Variants in PRKN observed in about 807,000 individuals in gnomAD.
The protein encoded by PRKN is E3 ubiquitin-protein ligase parkin.
A neutral mutation model predicts 59.5 loss-of-function variants in PRKN; 56 were observed. The ratio of observed to expected loss-of-function variants is 0.94; its 90% CI spans 0.76 to 1.18. PRKN has a LOEUF of 1.18. Ranked by LOEUF, PRKN falls within the 50% of genes most tolerant of loss-of-function variation. The probability of loss-of-function intolerance (pLI) is 0.00; values close to 1 mark genes in which losing one functional copy is unlikely to be tolerated. For missense variants in PRKN, 657 were observed against 596.4 expected (o/e 1.10, Z -1.06); for synonymous variants, 250 against 222.1 (o/e 1.13, Z -1.12).
chr6:161,757,857 C>A (rs1160072188), intron 7 of PRKN, among the ~76,000 whole-genome samples: 1 of 97,052 alleles, frequency 1.0e-5, no homozygotes, highest in Non-Finnish European at 2.0e-5. Flanking sequence ...CTCTCTCTCT[C>A]TCTCTCTCTC....
intron 7 of PRKN, among the ~76,000 whole-genome samples, chr6:161,570,927 T>G (rs77630686): frequency 0.035 from 5,371 of 152,208 alleles, 291 homozygotes; most frequent in African/African-American, 0.12. Flanking sequence ...TCCTCGATAT[T>G]AGGTTGTAGT....
At chr6:161,375,318 G>A (rs542596459) in intron 10 of PRKN, among the ~76,000 whole-genome samples, 8 of 152,292 alleles carry the variant, frequency 5.3e-5, no homozygotes, top group Non-Finnish European at 8.8e-5. Context: ...TGCAGTGCAG[G>A]AGAGCGCTTG....
rs766621912 is a variant in PRKN, at chr6:161,568,461, C to T, written c.933+894G>A. Among the ~76,000 whole-genome samples, 8 of 152,230 alleles carry T rather than the reference C, an allele frequency of 5.3e-5. No individual in the cohort carries two copies. The South Asian group carries it at 6.2e-4, about 12-fold the overall frequency. On this transcript the variant is annotated intron_variant, in intron 8 of 11. Coordinates refer to ENST00000366898, the MANE Select transcript of PRKN (RefSeq NM_004562.3). Reference sequence around the variant, plus strand: ...ATAAAAAATTAGCTGGGTGTGGTGGCGGGCGCCTGTAGTCCCAGCTGCTCA... The same window carrying T: ...ATAAAAAATTAGCTGGGTGTGGTGGTGGGCGCCTGTAGTCCCAGCTGCTCA...
At chr6:161,583,883 T>C (rs1781433597) in intron 7 of PRKN, among the ~76,000 whole-genome samples, 1 of 152,214 alleles carries the variant, frequency 6.6e-6, no homozygotes, top group Non-Finnish European at 1.5e-5. Context: ...CACCTAGACA[T>C]GCATATTTGC....
intron 6 of PRKN, among the ~76,000 whole-genome samples, chr6:161,844,294 G>T (rs1048468218): frequency 6.6e-6 from 1 of 152,130 alleles, no homozygotes; most frequent in African/African-American, 2.4e-5. Context: ...TTACAAAGTC[G>T]CATCAAAAGC....
At chr6:161,662,830 T>C (rs1784595470) in intron 7 of PRKN, among the ~76,000 whole-genome samples, 1 of 152,044 alleles carries the variant, frequency 6.6e-6, no homozygotes, top group Non-Finnish European at 1.5e-5. Flanking sequence ...CATGAGGATA[T>C]CTGTGGTGAA....
At chr6:162,119,604 G>A (rs1386258297) in intron 4 of PRKN, among the ~76,000 whole-genome samples, 13 of 152,082 alleles carry the variant, frequency 8.5e-5, no homozygotes, top group East Asian at 1.9e-4. Flanking sequence ...CAGCAGTGGC[G>A]CGCTGTCCCA....
chr6:161,572,715 C>A (rs1780938260), intron 7 of PRKN, among the ~76,000 whole-genome samples: 2 of 151,610 alleles, frequency 1.3e-5, no homozygotes, highest in Admixed American at 1.3e-4. Flanking sequence ...TACTGGAAAA[C>A]ATAATACATT....
intron 4 of PRKN, among the ~76,000 whole-genome samples, chr6:162,192,880 A>G (rs964251544): frequency 2.6e-5 from 4 of 152,154 alleles, no homozygotes; most frequent in Admixed American, 6.6e-5. Flanking sequence ...AACAAAATGC[A>G]AAGCGACATC....
rs559344168 is a variant in PRKN at position 161,901,098 on chromosome 6, A to G, written c.734+72204T>C. 1.6e-3 allele frequency among the ~76,000 whole-genome samples: 248 copies of G among 151,688 alleles called. 2 individuals carry two copies. Among genetic ancestry groups the G allele is most frequent in the Middle Eastern group, 3.4e-3 (1 of 294 alleles). On this transcript the variant is annotated intron_variant, in intron 6 of 11. Coordinates refer to ENST00000366898, the MANE Select transcript of PRKN (RefSeq NM_004562.3). The stretch of plus-strand genomic sequence containing the variant: ...GCCCGGCTAATTTTTTTGTATTTTT[A>G]GTAGAGATGGGGTTTTGCCATGTTA...
intron 2 of PRKN, among the ~76,000 whole-genome samples, chr6:162,350,295 T>C (rs1784571428): frequency 6.6e-6 from 1 of 152,184 alleles, no homozygotes; most frequent in African/African-American, 2.4e-5. Context: ...TATAGATTCA[T>C]TGCAATCCTA....
At chr6:162,202,443 T>C (rs1223944937) in intron 3 of PRKN, among the ~76,000 whole-genome samples, 3 of 152,198 alleles carry the variant, frequency 2.0e-5, no homozygotes, top group Non-Finnish European at 2.9e-5. Context: ...ATGTAAAGTT[T>C]CATGGTTTTA....
intron 1 of PRKN, among the ~76,000 whole-genome samples, chr6:162,508,866 A>G (rs764367051): frequency 6.0e-5 from 9 of 150,110 alleles, no homozygotes; most frequent in African/African-American, 5.1e-5. Context: ...AACAAAAAAC[A>G]AAAAACAAAC....
intron 2 of PRKN, among the ~76,000 whole-genome samples, chr6:162,412,525 A>T (rs1345483912): frequency 6.6e-6 from 1 of 151,962 alleles, no homozygotes; most frequent in Non-Finnish European, 1.5e-5. Flanking sequence ...AACTTATATT[A>T]TCCTATTTTC....
At chr6:162,677,063 C>CAAAAA (rs536705591) in intron 1 of PRKN, among the ~76,000 whole-genome samples, 10 of 90,274 alleles carry the variant, frequency 1.1e-4, no homozygotes, top group East Asian at 3.3e-4. Flanking sequence ...ACATCTCAAT[C>CAAAAA]AAAAAAAAAA....
At chr6:161,500,495 C>A (rs577985374) in intron 9 of PRKN, among the ~76,000 whole-genome samples, 10 of 152,298 alleles carry the variant, frequency 6.6e-5, no homozygotes, top group African/African-American at 1.9e-4. Flanking sequence ...AATCATGGAT[C>A]TTTTTACTGT....
intron 6 of PRKN, among the ~76,000 whole-genome samples, chr6:161,889,310 A>G (rs1006139681): frequency 2.0e-5 from 3 of 152,300 alleles, no homozygotes; most frequent in East Asian, 1.9e-4. Flanking sequence ...CTGTATATGA[A>G]TGTACACAGC....
rs139480466 is a variant in PRKN, at chr6:162,716,896, T to C, written c.7+10766A>G. On this transcript the variant is annotated intron_variant, in intron 1 of 11. Transcript: ENST00000366898. ...GTTGTAGCTCTCTGTCATTCTTCCTTCATAAGGAAGTACCTAACCATACGT... is the reference window on the plus strand; with the variant it reads ...GTTGTAGCTCTCTGTCATTCTTCCTCCATAAGGAAGTACCTAACCATACGT... 5.9e-5 allele frequency among the ~76,000 whole-genome samples: 9 copies of C among 152,328 alleles called. No homozygotes were observed. In the East Asian group the frequency reaches 1.4e-3, roughly 23 times the overall value.
chr6:161,989,100 C>T (rs1784583), intron 5 of PRKN, among the ~76,000 whole-genome samples: 80,228 of 152,064 alleles, frequency 0.53, 21,381 homozygotes, highest in Middle Eastern at 0.59. Context: ...TTAGTACAAA[C>T]AGCTTCTAAG....
Sources: allele counts gnomAD v4.1 joint callset (sites outside exome capture counted in the v4.1 genomes callset), GRCh38; gene constraint gnomAD v4.1.1; transcripts MANE v1.5; gene names NCBI Gene and HGNC (gene_info 2026-07-23, HGNC 2026-07-21).